SASH1: variants seen among roughly 807,000 people sequenced by gnomAD.
The protein encoded by SASH1 is SAM and SH3 domain-containing protein 1.
SASH1 carries 44 observed loss-of-function variants against 125.2 expected under a neutral mutation model. The ratio of observed to expected loss-of-function variants is 0.35; its 90% CI spans 0.28 to 0.45. SASH1 has a LOEUF of 0.45. Among genes scored for constraint, SASH1 ranks in the 20% least tolerant of loss-of-function variants. The probability of loss-of-function intolerance (pLI) is 1.00; values close to 1 mark genes in which losing one functional copy is unlikely to be tolerated. For missense variants in SASH1, 1,426 were observed against 1,614.5 expected (o/e 0.88, Z 2.00); for synonymous variants, 639 against 649.1 (o/e 0.98, Z 0.24).
intron 2 of SASH1, among the ~76,000 whole-genome samples, chr6:148,396,586 G>C (rs12195962): frequency 0.15 from 23,221 of 150,944 alleles, 1,818 homozygotes; most frequent in South Asian, 0.28. Flanking sequence ...TCCAAATATA[G>C]TTCTGGATTA....
intron 1 of SASH1, among the ~76,000 whole-genome samples, chr6:148,377,441 C>G (rs546151811): frequency 1.3e-5 from 2 of 152,186 alleles, no homozygotes; most frequent in South Asian, 2.1e-4. Flanking sequence ...CCCATTGAAC[C>G]CAGGAACTTT....
At chr6:148,305,491 CGG>C (rs2128515803) in intron 1 of SASH1, among the ~76,000 whole-genome samples, 1 of 152,094 alleles carries the variant, frequency 6.6e-6, no homozygotes, top group Admixed American at 6.5e-5. Context: ...GATGTGGTGG[CGG>C]GCACCTATAA....
intron 1 of SASH1, among the ~76,000 whole-genome samples, chr6:148,356,494 CTT>C (rs57183555): frequency 1.7e-5 from 2 of 116,282 alleles, no homozygotes; most frequent in African/African-American, 3.3e-5. Context: ...ACTTTTAGTT[CTT>C]TTTTTTTTTT....
At chr6:148,526,351 G>A (rs11962501) in intron 11 of SASH1, among the ~76,000 whole-genome samples, 2,737 of 152,130 alleles carry the variant, frequency 0.018, 91 homozygotes, top group African/African-American at 0.062. Context: ...TGTGAGCCAC[G>A]CGCCCGGCCT....
At chr6:148,264,873 T>TTTTGCA in the SASH1 span, among the ~76,000 whole-genome samples, 8 of 152,220 alleles carry the variant, frequency 5.3e-5, 1 homozygote, top group South Asian at 4.1e-4. Context: ...ACTAATCTGT[T>TTTTGCA]TTTGCACTTG....
chr6:148,356,031 G>A (rs1316309129), intron 1 of SASH1, among the ~76,000 whole-genome samples: 2 of 149,658 alleles, frequency 1.3e-5, no homozygotes, highest in East Asian at 3.9e-4. Flanking sequence ...CCTCTTCCAC[G>A]CTTCCCCCCA....
At chr6:148,434,484 A>G (rs1432395085) in intron 2 of SASH1, among the ~76,000 whole-genome samples, 5 of 151,964 alleles carry the variant, frequency 3.3e-5, no homozygotes, top group Non-Finnish European at 5.9e-5. Flanking sequence ...TTTTTCCTCT[A>G]TGTGCACACA....
chr6:148,318,526 C>G (rs1780541323), intron 1 of SASH1, among the ~76,000 whole-genome samples: 1 of 150,942 alleles, frequency 6.6e-6, no homozygotes, highest in South Asian at 2.1e-4. Flanking sequence ...CTTTTCTCAC[C>G]TTTTGTGGGC....
chr6:148,398,002 C>G (rs896718973), intron 2 of SASH1, among the ~76,000 whole-genome samples: 1 of 152,018 alleles, frequency 6.6e-6, no homozygotes, highest in Non-Finnish European at 1.5e-5. Context: ...CCAGGCTTCC[C>G]AATCAGAAGG....
At chr6:148,514,035 A>G in intron 8 of SASH1, 1 of 1,107,348 alleles carries the variant, frequency 9.0e-7, no homozygotes, top group South Asian at 3.1e-5. Flanking sequence ...TCCTCCTAAG[A>G]GAGGACAAGG....
chr6:148,358,309 A>G (rs1782036457), intron 1 of SASH1, among the ~76,000 whole-genome samples: 1 of 152,200 alleles, frequency 6.6e-6, no homozygotes. Context: ...CCAGAGACCA[A>G]TGAGCAAGTG....
the SASH1 span, among the ~76,000 whole-genome samples, chr6:148,245,845 C>G: frequency 6.6e-6 from 1 of 151,774 alleles, no homozygotes; most frequent in African/African-American, 2.4e-5. Context: ...AAAAATTAGC[C>G]GGGCATGGTG....
the SASH1 span, among the ~76,000 whole-genome samples, chr6:148,233,697 C>G: frequency 7.5e-6 from 1 of 133,922 alleles, no homozygotes; most frequent in Non-Finnish European, 1.5e-5. Context: ...GAGTTTGAGA[C>G]CAGCTTAGGC....
chr6:148,343,101 G>A lies in SASH1; in HGVS notation c.34G>A (p.Glu12Lys). 1 of 1,566,330 alleles carries A rather than the reference G, an allele frequency of 6.4e-7. No individual in the cohort carries two copies. Among genetic ancestry groups the A allele is most frequent in the South Asian group, 1.1e-5 (1 of 87,502 alleles). Residue 12 changes from glutamate (E) to lysine (K), a missense_variant, in exon 1 of 20, where the codon GAG becomes AAG. Physicochemically the swap from Glu to Lys is moderately conservative, Grantham distance 56 (BLOSUM62 1). This residue lies in a region of SASH1 where 567 missense variants were observed against 575.6 expected (regional missense o/e 0.99). Transcript: ENST00000367467. ...CGCGGGAGCAGCTGGCCCGGGGCCG[G>A]AGCCTGAGCCCGAGCCCGAGCCGGA... ...EDAGAAGPGP[E>K]PEPEPEPEPE...
intron 1 of SASH1, among the ~76,000 whole-genome samples, chr6:148,304,060 T>G (rs902740646): frequency 6.6e-6 from 1 of 152,048 alleles, no homozygotes; most frequent in African/African-American, 2.4e-5. Flanking sequence ...ATCCCAACAC[T>G]TTGAGAGGCC....
chr6:148,504,496 A>G (rs1230167259), intron 8 of SASH1, among the ~76,000 whole-genome samples: 1 of 152,132 alleles, frequency 6.6e-6, no homozygotes, highest in African/African-American at 2.4e-5. Context: ...ACTGTGTTCA[A>G]GCCCGCCACC....
chr6:148,517,594 G>A (rs570850435), intron 9 of SASH1, among the ~76,000 whole-genome samples: 75 of 152,286 alleles, frequency 4.9e-4, no homozygotes, highest in South Asian at 4.1e-3. Context: ...GGAAAAGCCC[G>A]CACTACAGGA....
At chr6:148,463,650 G>A (rs1309201606) in intron 4 of SASH1, among the ~76,000 whole-genome samples, 1 of 152,140 alleles carries the variant, frequency 6.6e-6, no homozygotes, top group Non-Finnish European at 1.5e-5. Flanking sequence ...AGAGCTTAGA[G>A]TATGCAAGTC....
chr6:148,245,802 A>G, the SASH1 span, among the ~76,000 whole-genome samples: 2 of 152,024 alleles, frequency 1.3e-5, no homozygotes, highest in African/African-American at 2.4e-5. Context: ...CCTGGCTAAC[A>G]CAGTGAAACC....
Sources: allele counts gnomAD v4.1 joint callset (sites outside exome capture counted in the v4.1 genomes callset), GRCh38; gene constraint gnomAD v4.1.1; regional missense constraint gnomAD v4.1.1; transcripts MANE v1.5; gene names NCBI Gene and HGNC (gene_info 2026-07-23, HGNC 2026-07-21).